Variants in SPAG17 observed in about 807,000 individuals in gnomAD.
The protein encoded by SPAG17 is sperm associated antigen 17, also known as sperm-associated antigen 17.
A neutral mutation model predicts 273.6 loss-of-function variants in SPAG17; 169 were observed. The ratio of observed to expected loss-of-function variants is 0.62; its 90% CI spans 0.55 to 0.70. The LOEUF (loss-of-function observed/expected upper bound fraction) is 0.70, where lower values mean the gene tolerates loss of function less well. Ranked by LOEUF, SPAG17 falls within the 30% of genes least tolerant of loss-of-function variation. SPAG17 has a pLI of 0.00. For synonymous variants in SPAG17, 825 were observed against 873.2 expected, an observed-to-expected ratio of 0.94 and a Z score of 0.97; for missense variants, 2,557 against 2,627.8, an observed-to-expected ratio of 0.97 and a Z score of 0.59.
chr1:117,963,729 A>G (rs759106067), intron 48 of SPAG17, 70 bp downstream of exon 48: 33 of 1,421,350 alleles, frequency 2.3e-5, no homozygotes, highest in African/African-American at 1.9e-4. Context: ...GAAGAGGGGA[A>G]GAAACCTGGG....
chr1:118,168,354 A>G (rs969883348), intron 1 of SPAG17, among the ~76,000 whole-genome samples: 1 of 152,128 alleles, frequency 6.6e-6, no homozygotes, highest in Non-Finnish European at 1.5e-5. Flanking sequence ...CTTTTCAGCA[A>G]CGTTTTCAAT....
intron 30 of SPAG17, among the ~76,000 whole-genome samples, 188 bp downstream of exon 30, chr1:118,012,040 T>A (rs1659525483): frequency 6.6e-6 from 1 of 151,980 alleles, no homozygotes; most frequent in Admixed American, 6.6e-5. Flanking sequence ...AAATAAGTAA[T>A]GATGATAATA....
rs1655054091 is a variant in SPAG17, at chr1:118,087,074, T to C, written c.1360-66A>G. The C allele has an allele frequency of 2.7e-6, 4 of 1,488,396 alleles. No individual in the cohort carries two copies. In the Admixed American group the frequency reaches 7.2e-5, roughly 27 times the overall value. 92.2% of individuals were successfully genotyped at this position (1,488,396 alleles called of 1,614,324 possible). On this transcript the variant is annotated intron_variant, in intron 10 of 48. Transcript: ENST00000336338. ...GCTCTTTAGTGATACTCACTGCTCA[T>C]TGCTGCATTCCCACTGCTTAGTAAG...
At chr1:118,066,657 G>A in intron 18 of SPAG17, 88 bp downstream of exon 18, 1 of 1,096,658 alleles carries the variant, frequency 9.1e-7, no homozygotes. Context: ...CCTAGCTTAG[G>A]GTAAGGAACT....
chr1:118,101,107 A>G (rs971215007), intron 5 of SPAG17, among the ~76,000 whole-genome samples: 10 of 152,206 alleles, frequency 6.6e-5, no homozygotes, highest in African/African-American at 2.4e-4. Context: ...AGCAAGACAC[A>G]TGCTTAATAA....
chr1:117,985,536 A>G (rs1385158936), intron 40 of SPAG17, among the ~76,000 whole-genome samples: 1 of 152,228 alleles, frequency 6.6e-6, no homozygotes, highest in Non-Finnish European at 1.5e-5. Context: ...ACAGATAAAA[A>G]GAAGGAATCT....
intron 43 of SPAG17, among the ~76,000 whole-genome samples, chr1:117,974,373 T>G (rs1571112236): frequency 6.6e-6 from 1 of 152,328 alleles, no homozygotes; most frequent in Non-Finnish European, 1.5e-5. Context: ...TTAGCATCTT[T>G]TTTTTAATAA....
intron 48 of SPAG17, chr1:117,959,011 T>G: frequency 6.2e-7 from 1 of 1,612,952 alleles, no homozygotes; most frequent in Non-Finnish European, 8.5e-7. Context: ...CGGGTAAGTG[T>G]CTTTGTATAG....
chr1:118,159,668 A>T (rs969090403), intron 1 of SPAG17, among the ~76,000 whole-genome samples: 1 of 152,232 alleles, frequency 6.6e-6, no homozygotes, highest in African/African-American at 2.4e-5. Context: ...TGTACCGTGT[A>T]GCCTCTGGCT....
At chr1:118,123,682 T>C (rs945554451) in intron 3 of SPAG17, among the ~76,000 whole-genome samples, 5 of 152,202 alleles carry the variant, frequency 3.3e-5, no homozygotes, top group African/African-American at 1.2e-4. Context: ...GGCTGTAAAA[T>C]AATTCCAGTC....
intron 30 of SPAG17, among the ~76,000 whole-genome samples, chr1:118,011,679 A>G (rs528180512): frequency 3.9e-5 from 6 of 152,244 alleles, no homozygotes; most frequent in African/African-American, 7.2e-5. Flanking sequence ...GAATTTGGCT[A>G]TATTACAAAC....
Position 118,099,793 on chromosome 1 carries a change from C to T in SPAG17, c.642G>A (p.Glu214=). The T allele has an allele frequency of 1.2e-6, 2 of 1,611,892 alleles. No individual in the cohort carries two copies. The highest frequency in any genetic ancestry group is 1.7e-6 in the Non-Finnish European group (2 of 1,179,566). Reference sequence around the variant, plus strand: ...TGTAATGTTGGGCACCATCATCTGGCTCATCGTCTGTTCAAAATACCATAA... The same window carrying T: ...TGTAATGTTGGGCACCATCATCTGGTTCATCGTCTGTTCAAAATACCATAA... ...DDHTNRYIDD[E]PDDGAQHYII... Residue 214 remains glutamate, a synonymous_variant, in exon 6 of 49, where the codon GAG becomes GAA. Transcript: ENST00000336338.
chr1:118,078,420 C>T (rs1266607063), intron 15 of SPAG17, among the ~76,000 whole-genome samples: 3 of 152,072 alleles, frequency 2.0e-5, no homozygotes, highest in African/African-American at 7.2e-5. Flanking sequence ...GCACTCCAGA[C>T]ATCTTATGTG....
intron 22 of SPAG17, among the ~76,000 whole-genome samples, chr1:118,040,069 G>C: frequency 6.6e-6 from 1 of 152,126 alleles, no homozygotes; most frequent in East Asian, 1.9e-4. Flanking sequence ...TTATGTTATA[G>C]TAGCTATTAT....
intron 42 of SPAG17, among the ~76,000 whole-genome samples, chr1:117,982,107 A>G (rs1028497199): frequency 2.0e-5 from 3 of 152,176 alleles, no homozygotes; most frequent in African/African-American, 7.2e-5. Flanking sequence ...CATCACATTT[A>G]TAAGTCATTG....
At chr1:118,137,286 G>A (rs976239441) in intron 3 of SPAG17, among the ~76,000 whole-genome samples, 6 of 152,216 alleles carry the variant, frequency 3.9e-5, no homozygotes, top group Admixed American at 3.9e-4. Context: ...TGATAATGAG[G>A]ATAATCTCTA....
At chr1:118,161,001 C>T (rs1051985853) in intron 1 of SPAG17, among the ~76,000 whole-genome samples, 4 of 152,180 alleles carry the variant, frequency 2.6e-5, no homozygotes, top group African/African-American at 9.7e-5. Flanking sequence ...GTCAGGGAAT[C>T]TGTGCCCTAC....
chr1:118,054,138 A>G (rs1164103742), intron 19 of SPAG17, 45 bp from the exon 20 acceptor site: 38 of 1,321,616 alleles, frequency 2.9e-5, no homozygotes, highest in Non-Finnish European at 3.3e-5. Context: ...CTTAAATAAG[A>G]TATCATAGAA....
chr1:118,069,865 T>C (rs1479404431), intron 17 of SPAG17, among the ~76,000 whole-genome samples: 1 of 152,014 alleles, frequency 6.6e-6, no homozygotes, highest in Non-Finnish European at 1.5e-5. Context: ...TGCAGAGTGT[T>C]TCATGGGGGA....
Sources: allele counts gnomAD v4.1 joint callset (sites outside exome capture counted in the v4.1 genomes callset), GRCh38; gene constraint gnomAD v4.1.1; transcripts MANE v1.5; gene names NCBI Gene and HGNC (gene_info 2026-07-23, HGNC 2026-07-21).